CUL4A: variants seen among roughly 807,000 people sequenced by gnomAD.
CUL4A encodes the protein cullin-4A.
CUL4A carries 16 observed loss-of-function variants against 95.5 expected under a neutral mutation model. The observed-to-expected ratio is 0.17, with a 90% CI of 0.11 to 0.25. The LOEUF (loss-of-function observed/expected upper bound fraction) is 0.25. Among genes scored for constraint, CUL4A ranks in the 10% least tolerant of loss-of-function variants. The probability of loss-of-function intolerance (pLI) is 1.00; values close to 1 mark genes in which losing one functional copy is unlikely to be tolerated. For synonymous variants in CUL4A, 380 were observed against 353.1 expected, an observed-to-expected ratio of 1.08 and a Z score of -0.85; for missense variants, 610 against 937.0, an observed-to-expected ratio of 0.65 and a Z score of 4.56.
At chr13:113,227,737 C>T (rs1252448772) in intron 3 of CUL4A, among the ~76,000 whole-genome samples, 1 of 151,958 alleles carries the variant, frequency 6.6e-6, no homozygotes, top group African/African-American at 2.4e-5. Flanking sequence ...AACCCCGTCT[C>T]TACTAAAAAT....
At chr13:113,252,350 G>C (rs1375516926) in intron 15 of CUL4A, among the ~76,000 whole-genome samples, 1 of 152,102 alleles carries the variant, frequency 6.6e-6, no homozygotes, top group Non-Finnish European at 1.5e-5. Flanking sequence ...AGCCTGGGCA[G>C]CATGAGAAGA....
intron 7 of CUL4A, 152 bp from the exon 8 acceptor site, chr13:113,234,911 C>G (rs1031069121): frequency 1.7e-6 from 1 of 599,764 alleles, no homozygotes; most frequent in Admixed American, 3.1e-5. Context: ...TCCGTCCTAC[C>G]TCTCCCTCCC....
chr13:113,215,936 G>A (rs980204168), intron 2 of CUL4A, among the ~76,000 whole-genome samples: 1 of 150,634 alleles, frequency 6.6e-6, no homozygotes, highest in African/African-American at 2.5e-5. Context: ...CGGTCTCTGT[G>A]TGACTATGGA....
intron 18 of CUL4A, among the ~76,000 whole-genome samples, chr13:113,257,744 A>G (rs1379025476): frequency 2.6e-5 from 4 of 152,166 alleles, no homozygotes; most frequent in Non-Finnish European, 5.9e-5. Flanking sequence ...TAAGAGAGAA[A>G]TTCCCTTAAC....
chr13:113,225,961 A>G (rs1415789764), intron 3 of CUL4A, among the ~76,000 whole-genome samples: 1 of 152,184 alleles, frequency 6.6e-6, no homozygotes, highest in African/African-American at 2.4e-5. Context: ...GAATTCTGCA[A>G]AGCCTCAAGA....
chr13:113,235,970 C>CAA (rs35017025), intron 8 of CUL4A, among the ~76,000 whole-genome samples: 24 of 65,094 alleles, frequency 3.7e-4, no homozygotes, highest in Admixed American at 5.4e-4. Flanking sequence ...GACTCCGTCT[C>CAA]AAAAAAAAAA....
chr13:113,260,567 T>A, intron 18 of CUL4A, 40 bp from the exon 19 acceptor site: 1 of 1,556,682 alleles, frequency 6.4e-7, no homozygotes, highest in Non-Finnish European at 8.7e-7. Context: ...AAAAAGAAAA[T>A]ACAGTTTTAC....
At chr13:113,257,623 G>A (rs942249608) in intron 18 of CUL4A, among the ~76,000 whole-genome samples, 3 of 152,148 alleles carry the variant, frequency 2.0e-5, no homozygotes, top group African/African-American at 7.2e-5. Context: ...GAGGGCCCAA[G>A]CCATTCATGA....
At chr13:113,234,078 A>G (rs930478337) in intron 7 of CUL4A, 92 bp downstream of exon 7, 17 of 699,404 alleles carry the variant, frequency 2.4e-5, no homozygotes, top group African/African-American at 9.1e-5. Context: ...TTTCACACAC[A>G]TGCAAATGTT....
chr13:113,239,330 C>T, intron 9 of CUL4A, 103 bp from the exon 10 acceptor site: 1 of 993,474 alleles, frequency 1.0e-6, no homozygotes, highest in African/African-American at 1.6e-5. Flanking sequence ...CGCCCAATTT[C>T]TAAGCGGTGT....
chr13:113,208,651 GGA>G, upstream of CUL4A: 1 of 1,604,764 alleles, frequency 6.2e-7, no homozygotes, highest in Non-Finnish European at 8.5e-7. Flanking sequence ...GCCGCCGAAC[GGA>G]GAGCGCCACC....
chr13:113,224,189 G>A lies in CUL4A; in HGVS notation c.369-3787G>A, dbSNP rs9549358. Among the ~76,000 whole-genome samples the A allele has an allele frequency of 6.8e-3, 1,036 of 152,180 alleles. 6 individuals carry two copies. The highest frequency in any genetic ancestry group is 0.011 in the Non-Finnish European group (775 of 67,982). ...AACACGGTGAAACCCCGTCTCTACT[G>A]AAAATACAAAAAAATTAGCCGGGCG... is the stretch of plus-strand genomic sequence containing the variant. On this transcript the variant is annotated intron_variant, in intron 3 of 19. Coordinates refer to ENST00000375440, the MANE Select transcript of CUL4A (RefSeq NM_001008895.4).
intron 18 of CUL4A, 125 bp downstream of exon 18, chr13:113,255,250 A>G: frequency 1.5e-6 from 1 of 661,114 alleles, no homozygotes; most frequent in Non-Finnish European, 2.6e-6. Context: ...TTCACTATGT[A>G]ATGTTTATAA....
intron 15 of CUL4A, among the ~76,000 whole-genome samples, chr13:113,248,669 C>G (rs1445278246): frequency 6.6e-6 from 1 of 152,158 alleles, no homozygotes; most frequent in East Asian, 1.9e-4. Flanking sequence ...AATTCACACT[C>G]AAGTCCGTTA....
chr13:113,260,848 G>C (rs1239013011), intron 19 of CUL4A, 89 bp downstream of exon 19: 8 of 1,013,680 alleles, frequency 7.9e-6, no homozygotes, highest in East Asian at 2.5e-5. Flanking sequence ...CATATCATTT[G>C]ACCTGCATTA....
At position 113,252,397 on chromosome 13, in the gene CUL4A, G is replaced by A. The variant is rs77105050; in HGVS notation, c.1639-685G>A. 3.4e-4 allele frequency among the ~76,000 whole-genome samples: 52 copies of A among 152,112 alleles called. 2 individuals are homozygous for A. The East Asian group carries it at 7.2e-3, about 21-fold the overall frequency. ...AACAACAACAACAACAAAAATCAAC[G>A]GGCTTGGTGTCATGTACCTGTAGTC... On this transcript the variant is annotated intron_variant, in intron 15 of 19. Coordinates refer to ENST00000375440, the MANE Select transcript of CUL4A (RefSeq NM_001008895.4).
At chr13:113,237,820 TA>T in intron 9 of CUL4A, among the ~76,000 whole-genome samples, 1 of 152,344 alleles carries the variant, frequency 6.6e-6, no homozygotes, top group South Asian at 2.1e-4. Flanking sequence ...ATGAGATACT[TA>T]AGTGAAACCA....
rs2041767481 is a variant in CUL4A, at chr13:113,243,172, T to C, written c.1228+12T>C. On this transcript the variant is annotated intron_variant, in intron 11 of 19. Coordinates refer to ENST00000375440, the MANE Select transcript of CUL4A (RefSeq NM_001008895.4). ...TGCAGAACTGATCGGTAGAAAAATA[T>C]TTGTTTTTTTTGTTTGTTTGTTTTT... 1 of 1,575,356 alleles carries C rather than the reference T, an allele frequency of 6.3e-7. No homozygotes were observed. The highest frequency in any genetic ancestry group is 1.4e-5 in the African/African-American group (1 of 73,880).
At chr13:113,244,374 TAG>T (rs1425006751) in intron 11 of CUL4A, 34 bp from the exon 12 acceptor site, 1 of 1,456,778 alleles carries the variant, frequency 6.9e-7, no homozygotes. Context: ...TCTCTTTTTC[TAG>T]TTTAGAGTAT....
Sources: allele counts gnomAD v4.1 joint callset (sites outside exome capture counted in the v4.1 genomes callset), GRCh38; gene constraint gnomAD v4.1.1; transcripts MANE v1.5; gene names NCBI Gene and HGNC (gene_info 2026-07-23, HGNC 2026-07-21).